MCFD2: variants seen among roughly 807,000 people sequenced by gnomAD.
MCFD2 encodes the protein multiple coagulation factor deficiency 2, ER cargo receptor complex subunit.
A neutral mutation model predicts 12.8 loss-of-function variants in MCFD2; 11 were observed. That is an observed-to-expected ratio of 0.86 (90% CI 0.54 to 1.42). The LOEUF (loss-of-function observed/expected upper bound fraction) is 1.42, where lower values mean the gene tolerates loss of function less well. Among genes scored for constraint, MCFD2 ranks in the 40% most tolerant of loss-of-function variants. The pLI, the probability that MCFD2 is intolerant of heterozygous loss-of-function variation, is 0.00. For missense variants in MCFD2, 191 were observed against 178.6 expected (o/e 1.07, Z -0.40); for synonymous variants, 70 against 68.1 (o/e 1.03, Z -0.14).
Position 46,909,090 on chromosome 2 carries a change from C to G in MCFD2, c.82G>C (p.Glu28Gln), listed in dbSNP as rs772241915. 13 of 1,614,224 alleles carry G rather than the reference C, an allele frequency of 8.1e-6. No individual in the cohort carries two copies. In the Middle Eastern group the frequency reaches 1.2e-3, roughly 143 times the overall value. ...AFCAPGARAE[E>Q]PAASFSQPGS... is the part of the protein sequence containing the mutation. ...GGTTGGGAGAAGCTGGCTGCAGGCT[C>G]CTCAGCCCTGGCGCCTGGGGCACAA... is the stretch of plus-strand genomic sequence containing the variant. The change falls in exon 2 of 4, where the codon GAG (glutamate) becomes CAG (glutamine). Residue 28 changes from glutamate to glutamine, a missense_variant. Transcript: ENST00000319466.
chr2:46,938,788 C>T (rs1306659280), intron 1 of MCFD2, among the ~76,000 whole-genome samples: 3 of 151,460 alleles, frequency 2.0e-5, no homozygotes, highest in South Asian at 4.2e-4. Context: ...CCAAGGCGGG[C>T]AGATCATGAG....
rs1668343068 is a variant in MCFD2, at chr2:46,908,533, G to C, written c.149+490C>G. 2 of 261,130 alleles carry C rather than the reference G, an allele frequency of 7.7e-6. No individual in the cohort carries two copies. 16.2% of individuals were successfully genotyped at this position (261,130 alleles called of 1,614,324 possible). A position where few individuals can be genotyped will look rare whatever the true frequency, so the allele number is the denominator to read the frequency against. ...CCTGCCTCAGCCTCCCAAAGCACTG[G>C]GATTACAGGTGTGAGCCACTGCACC... is the stretch of plus-strand genomic sequence containing the variant. On this transcript the variant is annotated intron_variant, in intron 2 of 3. Transcript: ENST00000319466. The surrounding 1 kb of genome is among the most constrained non-coding windows in gnomAD (Gnocchi z 4.5).
At position 46,911,232 on chromosome 2, in the gene MCFD2, A is replaced by G. The variant is rs549091771; in HGVS notation, c.-6-2055T>C. ...AACCTCCGCTTCCCAGGTTCAAGCA[A>G]TTCTCCTGCCTCAGCCTCCCGAGTA... is the stretch of plus-strand genomic sequence containing the variant. On this transcript the variant is annotated intron_variant, in intron 1 of 3. Transcript: ENST00000319466. Among the ~76,000 whole-genome samples, 10 of 152,134 alleles carry G rather than the reference A, an allele frequency of 6.6e-5. No homozygotes were observed. In the South Asian group the frequency reaches 1.7e-3, roughly 25 times the overall value.
At chr2:46,923,755 A>G in intron 1 of MCFD2, among the ~76,000 whole-genome samples, 1 of 151,804 alleles carries the variant, frequency 6.6e-6, no homozygotes. Flanking sequence ...TTTTGGAGAC[A>G]AAGTCTCACT....
chr2:46,932,419 G>A (rs539154022), intron 1 of MCFD2, among the ~76,000 whole-genome samples: 13 of 152,230 alleles, frequency 8.5e-5, no homozygotes, highest in Admixed American at 7.8e-4. Context: ...AAAGTGCTGG[G>A]ATTACAGGCG....
intron 1 of MCFD2, among the ~76,000 whole-genome samples, chr2:46,936,450 C>T (rs1572659411): frequency 1.3e-5 from 2 of 152,100 alleles, no homozygotes; most frequent in African/African-American, 2.4e-5. Flanking sequence ...ACAATCTCTC[C>T]GGACCCTCTG....
intron 1 of MCFD2, among the ~76,000 whole-genome samples, chr2:46,925,375 T>A (rs1320670678): frequency 6.6e-6 from 1 of 152,114 alleles, no homozygotes; most frequent in Admixed American, 6.6e-5. Flanking sequence ...CTAGCCAACA[T>A]GGTGAAACCC....
intron 1 of MCFD2, among the ~76,000 whole-genome samples, chr2:46,921,435 G>A (rs924220734): frequency 3.2e-4 from 48 of 152,192 alleles, no homozygotes; most frequent in African/African-American, 1.1e-3. Context: ...TCAGGGGCAA[G>A]TCTAATTCAG....
intron 1 of MCFD2, among the ~76,000 whole-genome samples, chr2:46,925,789 A>T (rs1310769639): frequency 2.0e-5 from 3 of 152,232 alleles, no homozygotes; most frequent in African/African-American, 7.2e-5. Context: ...AGGGATTAAA[A>T]GTCAATGGAA....
Position 46,905,356 on chromosome 2 carries a change from A to G in MCFD2, c.*107T>C, listed in dbSNP as rs1668174953. 2 of 1,307,526 alleles carry G rather than the reference A, an allele frequency of 1.5e-6. No individual in the cohort carries two copies. The highest frequency in any genetic ancestry group is 2.6e-4 in the Middle Eastern group (1 of 3,858). The allele number at this position is 1,307,526 out of a possible 1,614,324, so 81.0% of individuals were successfully genotyped here. A position where few individuals can be genotyped will look rare whatever the true frequency, so the allele number is the denominator to read the frequency against. On this transcript the variant is annotated 3_prime_UTR_variant, in exon 4 of 4. Coordinates refer to ENST00000319466, the MANE Select transcript of MCFD2 (RefSeq NM_139279.6). The stretch of plus-strand genomic sequence containing the variant: ...AACGAATCGCTACAGGTTTTTACCA[A>G]AATGCTGCAGCAGTAGTTGGAAATG...
intron 1 of MCFD2, among the ~76,000 whole-genome samples, chr2:46,939,139 A>G (rs912702227): frequency 6.6e-6 from 1 of 152,184 alleles, no homozygotes; most frequent in Non-Finnish European, 1.5e-5. Flanking sequence ...TAAAAATAAT[A>G]GTAAAATAAA....
chr2:46,916,255 C>A, upstream of MCFD2: 1 of 827,110 alleles, frequency 1.2e-6, no homozygotes, highest in Non-Finnish European at 1.5e-6. Flanking sequence ...ATGAAACGAC[C>A]ACAACACGCT....
rs1180872957 is a variant in MCFD2 at position 46,903,754 on chromosome 2, TG to T, written c.*1708del. 3 of 152,108 alleles carry T rather than the reference TG, an allele frequency of 2.0e-5. No individual in the cohort carries two copies. Among genetic ancestry groups the T allele is most frequent in the African/African-American group, 7.2e-5 (3 of 41,406 alleles). The allele number at this position is 152,108 out of a possible 1,614,324, so 9.4% of individuals were successfully genotyped here. On this transcript the variant is annotated 3_prime_UTR_variant, in exon 4 of 4. Coordinates refer to ENST00000319466, the MANE Select transcript of MCFD2 (RefSeq NM_139279.6). ...GCAGCAAAGTGTTCAACAGGTGACT[TG>T]GGTGCTTTTAAAGGCATTCCCTTAT...
chr2:46,906,450 T>C (rs1668240402), intron 3 of MCFD2, among the ~76,000 whole-genome samples: 3 of 150,630 alleles, frequency 2.0e-5, no homozygotes, highest in East Asian at 3.9e-4. Flanking sequence ...AGAAGGGGAA[T>C]GACATTAAAT....
Position 46,905,326 on chromosome 2 carries a change from A to G in MCFD2, c.*137T>C, listed in dbSNP as rs1668173957. 3 of 875,470 alleles carry G rather than the reference A, an allele frequency of 3.4e-6. No homozygotes were observed. Among genetic ancestry groups the G allele is most frequent in the Non-Finnish European group, 5.8e-6 (3 of 520,246 alleles). The allele number at this position is 875,470 out of a possible 1,614,324, so 54.2% of individuals were successfully genotyped here. A position where few individuals can be genotyped will look rare whatever the true frequency, so the allele number is the denominator to read the frequency against. ...CATTTCTCTTATCTCTTCTCACCCC[A>G]GTGTAACGAATCGCTACAGGTTTTT... On this transcript the variant is annotated 3_prime_UTR_variant, in exon 4 of 4. Coordinates refer to ENST00000319466, the MANE Select transcript of MCFD2 (RefSeq NM_139279.6).
At chr2:46,939,504 T>C (rs1670152556) in intron 1 of MCFD2, among the ~76,000 whole-genome samples, 1 of 152,148 alleles carries the variant, frequency 6.6e-6, no homozygotes, top group African/African-American at 2.4e-5. Context: ...CACACATACA[T>C]GAGTATTGGT....
chr2:46,908,411 C>T lies in MCFD2; in HGVS notation c.150-442G>A. 1 of 278,738 alleles carries T rather than the reference C, an allele frequency of 3.6e-6. No homozygotes were observed. The allele number at this position is 278,738 out of a possible 1,614,324, so 17.3% of individuals were successfully genotyped here. A position where few individuals can be genotyped will look rare whatever the true frequency, so the allele number is the denominator to read the frequency against. Reference sequence around the variant, plus strand: ...AAGTAGCTGGGACCATAGGCATGTACTGCCACATCCAGCTAATTTTTTGCA... The same window carrying T: ...AAGTAGCTGGGACCATAGGCATGTATTGCCACATCCAGCTAATTTTTTGCA... On this transcript the variant is annotated intron_variant, in intron 2 of 3. Transcript: ENST00000319466. The surrounding 1 kb of genome is among the most constrained non-coding windows in gnomAD (Gnocchi z 4.5).
At chr2:46,933,882 C>T (rs1291545789) in intron 1 of MCFD2, among the ~76,000 whole-genome samples, 1 of 152,090 alleles carries the variant, frequency 6.6e-6, no homozygotes, top group Admixed American at 6.6e-5. Flanking sequence ...GTGCTGGGAA[C>T]ACAGGGCTCT....
At chr2:46,927,638 G>A (rs1355736458) in intron 1 of MCFD2, among the ~76,000 whole-genome samples, 2 of 152,018 alleles carry the variant, frequency 1.3e-5, no homozygotes, top group South Asian at 2.1e-4. Flanking sequence ...GGGATTACAG[G>A]CATGAGCTAC....
Sources: gnomAD v4.1 joint callset for allele counts (sites outside exome capture counted in the v4.1 genomes callset) on GRCh38, gnomAD v4.1.1 for gene constraint, Gnocchi (gnomAD v3.1) non-coding constraint, MANE v1.5 for transcripts, NCBI Gene and HGNC (gene_info 2026-07-23, HGNC 2026-07-21) for gene names.